Variants in ABCC6 observed in about 807,000 individuals in gnomAD.
The protein encoded by ABCC6 is ATP-binding cassette sub-family C member 6.
In ABCC6, 126 loss-of-function variants were observed where a neutral mutation model predicts 169.5. The ratio of observed to expected loss-of-function variants is 0.74; its 90% CI spans 0.64 to 0.86. ABCC6 has a LOEUF of 0.86. ABCC6 is among the 40% of genes least tolerant of loss of function. The pLI is 0.00. For missense variants in ABCC6, 1,733 were observed against 1,927.2 expected (o/e 0.90, Z 1.89); for synonymous variants, 752 against 814.7 (o/e 0.92, Z 1.31).
intron 15 of ABCC6, among the ~76,000 whole-genome samples, chr16:16,183,907 GTTC>G (rs1184496283): frequency 2.0e-5 from 3 of 152,102 alleles, no homozygotes; most frequent in Non-Finnish European, 4.4e-5. Context: ...CGCCTAGAAG[GTTC>G]TTCTCCCAGG....
chr16:16,159,729 GC>G, intron 25 of ABCC6, 146 bp from the exon 26 acceptor site: 1 of 726,650 alleles, frequency 1.4e-6, no homozygotes, highest in Non-Finnish European at 2.4e-6. Context: ...GAGGACCTGG[GC>G]CCAGGGGATT....
chr16:16,195,675 T>C (rs8056397), intron 10 of ABCC6, among the ~76,000 whole-genome samples: 81,520 of 151,830 alleles, frequency 0.54, 23,524 homozygotes, highest in Non-Finnish European at 0.66. Context: ...AATTTTCCCA[T>C]GTTCTTCCTC....
chr16:16,184,843 C>A, intron 15 of ABCC6, 116 bp downstream of exon 15: 2 of 1,185,744 alleles, frequency 1.7e-6, no homozygotes, highest in East Asian at 4.7e-5. Flanking sequence ...CAGCCAAACC[C>A]ACCCTCCAGT....
chr16:16,219,038 T>C (rs1445192732), intron 4 of ABCC6, among the ~76,000 whole-genome samples: 1 of 91,230 alleles, frequency 1.1e-5, no homozygotes, highest in Non-Finnish European at 1.9e-5. Flanking sequence ...CATTCCAGTC[T>C]GGGCGACAGA....
At chr16:16,213,847 C>T (rs1373618801) in intron 5 of ABCC6, among the ~76,000 whole-genome samples, 1 of 148,460 alleles carries the variant, frequency 6.7e-6, no homozygotes, top group Admixed American at 6.8e-5. Flanking sequence ...AGGCATGAGC[C>T]ACTGTGACCA....
intron 21 of ABCC6, chr16:16,173,018 G>A: frequency 1.9e-6 from 1 of 514,950 alleles, no homozygotes; most frequent in Non-Finnish European, 3.5e-6. Flanking sequence ...GTCCAGCCTG[G>A]GTGAGTGAGC....
intron 24 of ABCC6, among the ~76,000 whole-genome samples, chr16:16,161,789 C>T (rs2046728969): frequency 6.6e-6 from 1 of 152,150 alleles, no homozygotes; most frequent in Admixed American, 6.5e-5. Flanking sequence ...AAGAGCATCC[C>T]TGTGTGGCTG....
intron 25 of ABCC6, among the ~76,000 whole-genome samples, chr16:16,160,920 G>C (rs932338087): frequency 1.3e-5 from 2 of 151,988 alleles, no homozygotes; most frequent in African/African-American, 4.8e-5. Flanking sequence ...TAGATGTCAT[G>C]AACTGACATT....
intron 2 of ABCC6, chr16:16,221,307 G>T (rs967743449): frequency 1.5e-6 from 2 of 1,352,712 alleles, no homozygotes; most frequent in Non-Finnish European, 9.5e-7. Flanking sequence ...TTTTTAAAAG[G>T]TTCATCCTAA....
chr16:16,183,496 C>T (rs2047548141), intron 15 of ABCC6, among the ~76,000 whole-genome samples: 1 of 152,172 alleles, frequency 6.6e-6, no homozygotes, highest in East Asian at 1.9e-4. Context: ...CCCAGCTAAA[C>T]CCGCCAGCAC....
chr16:16,165,485 C>G, intron 23 of ABCC6, 138 bp downstream of exon 23: 1 of 867,994 alleles, frequency 1.2e-6, no homozygotes, highest in Non-Finnish European at 1.8e-6. Flanking sequence ...ACTGTAGTGT[C>G]CCTGTCCCTG....
chr16:16,191,272 C>T (rs866773310), intron 11 of ABCC6, among the ~76,000 whole-genome samples: 3 of 152,198 alleles, frequency 2.0e-5, no homozygotes, highest in South Asian at 2.1e-4. Flanking sequence ...CCCGCCACCA[C>T]GCCCGGCTAA....
intron 5 of ABCC6, among the ~76,000 whole-genome samples, chr16:16,213,662 G>A (rs1166492881): frequency 2.8e-5 from 4 of 145,314 alleles, no homozygotes; most frequent in Non-Finnish European, 6.0e-5. Flanking sequence ...CCGGATTCAA[G>A]CAATTCTCCT....
chr16:16,154,771 A>G lies in ABCC6; in HGVS notation c.4065T>C (p.Ser1355=), dbSNP rs1405621129. 6.2e-7 allele frequency: 1 copy of G among 1,612,568 alleles called. No homozygotes were observed. The highest frequency in any genetic ancestry group is 8.5e-7 in the Non-Finnish European group (1 of 1,179,530). ...GCAGCAGGTCGAGGTTCATCCGCAGAGAGCCAGGGAACAGGATGGGGTCCT... is the reference window on the plus strand; with the variant it reads ...GCAGCAGGTCGAGGTTCATCCGCAGGGAGCCAGGGAACAGGATGGGGTCCT... ...IPQDPILFPG[S]LRMNLDLLQE... The change falls in exon 29 of 31, where the codon TCT becomes TCC. Residue 1355 remains serine, a synonymous_variant. Coordinates refer to ENST00000205557, the MANE Select transcript of ABCC6 (RefSeq NM_001171.6).
At chr16:16,156,225 G>A (rs2046549910) in intron 27 of ABCC6, among the ~76,000 whole-genome samples, 1 of 152,192 alleles carries the variant, frequency 6.6e-6, no homozygotes, top group Admixed American at 6.5e-5. Context: ...CAACAATGCT[G>A]TTTATTATCA....
chr16:16,157,499 T>G (rs925304198), intron 27 of ABCC6, among the ~76,000 whole-genome samples, 164 bp downstream of exon 27: 17 of 152,030 alleles, frequency 1.1e-4, no homozygotes, highest in South Asian at 2.1e-4. Context: ...GGAAGCAGGT[T>G]TGGGGAAGGT....
intron 17 of ABCC6, chr16:16,181,908 G>A (rs1339112458): frequency 4.9e-6 from 1 of 203,746 alleles, no homozygotes; most frequent in African/African-American, 2.3e-5. Context: ...ATGCCAGCCT[G>A]TGCAACAGAG....
In ABCC6 at chr16:16,154,950, C is replaced by G. The variant is rs1407177358; in HGVS notation, c.3964G>C (p.Gly1322Arg). The G allele has an allele frequency of 6.3e-7, 1 of 1,592,142 alleles. No homozygotes were observed. The highest frequency in any genetic ancestry group is 1.8e-5 in the Admixed American group (1 of 57,018). ...ATGGGGACCCCGTCGATCCAGATCC[C>G]ACCCTCAGCTGCCTCCTGGAGCCGC... is the stretch of plus-strand genomic sequence containing the variant. ...LLRLQEAAEG[G>R]IWIDGVPIAH... Residue 1322 changes from glycine (G) to arginine (R), a missense_variant, in exon 28 of 31, where the codon GGG becomes CGG. Transcript: ENST00000205557.
chr16:16,212,948 C>G (rs1221770524), intron 5 of ABCC6, among the ~76,000 whole-genome samples: 3 of 152,090 alleles, frequency 2.0e-5, no homozygotes, highest in Non-Finnish European at 4.4e-5. Flanking sequence ...TACTCTTTAC[C>G]AATAAGGCGT....
Sources: allele counts gnomAD v4.1 joint callset (sites outside exome capture counted in the v4.1 genomes callset), GRCh38; gene constraint gnomAD v4.1.1; transcripts MANE v1.5; gene names NCBI Gene and HGNC (gene_info 2026-07-23, HGNC 2026-07-21).